Variants in PPM1H observed in about 807,000 individuals in gnomAD.
The protein encoded by PPM1H is protein phosphatase, Mg2+/Mn2+ dependent 1H, also known as protein phosphatase 1H.
PPM1H carries 27 observed loss-of-function variants against 54.9 expected under a neutral mutation model. The ratio of observed to expected loss-of-function variants is 0.49; its 90% CI spans 0.36 to 0.68. The LOEUF (loss-of-function observed/expected upper bound fraction) is 0.68, where lower values mean the gene tolerates loss of function less well. Ranked by LOEUF, PPM1H falls within the 30% of genes least tolerant of loss-of-function variation. PPM1H has a pLI of 0.00. For missense variants in PPM1H, 596 were observed against 667.8 expected (o/e 0.89, Z 1.19); for synonymous variants, 305 against 270.8 (o/e 1.13, Z -1.24).
chr12:62,928,589 C>T (rs1038238389), intron 1 of PPM1H, among the ~76,000 whole-genome samples: 1 of 152,204 alleles, frequency 6.6e-6, no homozygotes. Context: ...CTCCACCAAA[C>T]TTGAGTCAGG....
chr12:62,920,991 C>T (rs943620816), intron 1 of PPM1H, among the ~76,000 whole-genome samples: 11 of 151,972 alleles, frequency 7.2e-5, no homozygotes, highest in African/African-American at 2.7e-4. Context: ...GTAGAGTGAT[C>T]CTGATTCACT....
chr12:62,821,028 A>G (rs1373036245), intron 2 of PPM1H, among the ~76,000 whole-genome samples: 1 of 152,204 alleles, frequency 6.6e-6, no homozygotes, highest in East Asian at 1.9e-4. Flanking sequence ...CCTTGAAAAA[A>G]GATCAGATGA....
At chr12:62,843,240 C>T (rs1362865762) in intron 1 of PPM1H, among the ~76,000 whole-genome samples, 1 of 152,108 alleles carries the variant, frequency 6.6e-6, no homozygotes, top group African/African-American at 2.4e-5. Context: ...TGCTTGGAAC[C>T]CCGGAGGTGG....
chr12:62,663,537 A>G (rs1399051288), intron 9 of PPM1H, among the ~76,000 whole-genome samples: 2 of 152,128 alleles, frequency 1.3e-5, no homozygotes, highest in African/African-American at 4.8e-5. Flanking sequence ...CATGTAGCTC[A>G]AAGGACCGTG....
intron 4 of PPM1H, chr12:62,756,030 C>A: frequency 7.1e-7 from 1 of 1,411,036 alleles, no homozygotes; most frequent in Non-Finnish European, 9.9e-7. Context: ...CGTCCGAGAC[C>A]CCCTCAAGGG....
intron 9 of PPM1H, among the ~76,000 whole-genome samples, chr12:62,661,938 A>T (rs2075886378): frequency 1.3e-5 from 2 of 151,126 alleles, no homozygotes; most frequent in South Asian, 4.2e-4. Context: ...CCTTTCATTC[A>T]TTCATCCATC....
chr12:62,869,304 G>A (rs1011829920), intron 1 of PPM1H, among the ~76,000 whole-genome samples: 2 of 151,966 alleles, frequency 1.3e-5, no homozygotes, highest in Non-Finnish European at 2.9e-5. Flanking sequence ...ACTTTCAAAT[G>A]TTTTTATATT....
intron 2 of PPM1H, among the ~76,000 whole-genome samples, 166 bp from the exon 3 acceptor site, chr12:62,802,326 C>CA (rs1565792997): frequency 2.6e-5 from 4 of 151,700 alleles, no homozygotes; most frequent in Non-Finnish European, 5.9e-5. Flanking sequence ...CAAACAAAAA[C>CA]AAAAACAAAA....
At chr12:62,676,657 G>A (rs564591802) in intron 8 of PPM1H, among the ~76,000 whole-genome samples, 43 of 152,260 alleles carry the variant, frequency 2.8e-4, no homozygotes, top group Admixed American at 5.9e-4. Flanking sequence ...GGGGGCTTGG[G>A]GCAGCACTGA....
intron 1 of PPM1H, among the ~76,000 whole-genome samples, chr12:62,892,392 G>A (rs900920732): frequency 7.9e-5 from 12 of 152,106 alleles, no homozygotes; most frequent in Admixed American, 2.0e-4. Context: ...CACCTAGGAC[G>A]CAATACTTTT....
intron 2 of PPM1H, among the ~76,000 whole-genome samples, chr12:62,817,487 A>C (rs2663962): frequency 0.047 from 7,195 of 151,724 alleles, 430 homozygotes; most frequent in African/African-American, 0.14. Context: ...AACAAACAAA[A>C]AAAAAACTAA....
intron 1 of PPM1H, among the ~76,000 whole-genome samples, chr12:62,841,511 C>G (rs1263677108): frequency 6.6e-6 from 1 of 152,112 alleles, no homozygotes; most frequent in Non-Finnish European, 1.5e-5. Context: ...GCTCACAAAG[C>G]CAAAATTACT....
At chr12:62,804,678 T>C (rs1420182085) in intron 2 of PPM1H, among the ~76,000 whole-genome samples, 1 of 139,464 alleles carries the variant, frequency 7.2e-6, no homozygotes, top group Non-Finnish European at 1.5e-5. Flanking sequence ...TTTTTTTTCT[T>C]TTTTTTTTTT....
chr12:62,848,644 A>G lies in PPM1H; in HGVS notation c.246-16365T>C, dbSNP rs138877818. 8.1e-3 allele frequency among the ~76,000 whole-genome samples: 1,228 copies of G among 152,318 alleles called. 11 individuals are homozygous for G. Among genetic ancestry groups the G allele is most frequent in the South Asian group, 0.016 (77 of 4,824 alleles). ...TGACACTTTGGGTTTACTGATGATG[A>G]CTGAGTTGCACTGGCCTGGATGAAT... is the stretch of plus-strand genomic sequence containing the variant. On this transcript the variant is annotated intron_variant, in intron 1 of 9. Transcript: ENST00000228705.
At chr12:62,748,190 C>T (rs2076422958) in intron 4 of PPM1H, among the ~76,000 whole-genome samples, 1 of 151,838 alleles carries the variant, frequency 6.6e-6, no homozygotes, top group Non-Finnish European at 1.5e-5. Flanking sequence ...TTGCAGGGAG[C>T]CGAGATTGCG....
chr12:62,732,807 T>C (rs1041344351), intron 5 of PPM1H, among the ~76,000 whole-genome samples: 1 of 152,154 alleles, frequency 6.6e-6, no homozygotes, highest in Non-Finnish European at 1.5e-5. Context: ...GAAGTTTTAA[T>C]GACTCTATCA....
intron 1 of PPM1H, among the ~76,000 whole-genome samples, chr12:62,877,488 C>T (rs1870217082): frequency 6.6e-6 from 1 of 152,160 alleles, no homozygotes; most frequent in Admixed American, 6.5e-5. Context: ...CCACGCGATA[C>T]GGTAATAGTA....
chr12:62,821,020 T>G (rs1485170063), intron 2 of PPM1H, among the ~76,000 whole-genome samples: 2 of 152,018 alleles, frequency 1.3e-5, no homozygotes, highest in East Asian at 3.9e-4. Flanking sequence ...GCTAAAAACC[T>G]TGAAAAAAGA....
intron 1 of PPM1H, among the ~76,000 whole-genome samples, chr12:62,863,174 C>A (rs1015775840): frequency 6.6e-6 from 1 of 152,040 alleles, no homozygotes; most frequent in African/African-American, 2.4e-5. Context: ...GTGCGTGCCA[C>A]TACACCTGGC....
Sources: allele counts gnomAD v4.1 joint callset (sites outside exome capture counted in the v4.1 genomes callset), GRCh38; gene constraint gnomAD v4.1.1; transcripts MANE v1.5; gene names NCBI Gene and HGNC (gene_info 2026-07-23, HGNC 2026-07-21).